ELAPOR2: variants seen among roughly 807,000 people sequenced by gnomAD.
ELAPOR2 encodes endosome-lysosome associated apoptosis and autophagy regulator family member 2.
ELAPOR2 carries 89 observed loss-of-function variants against 120.7 expected under a neutral mutation model. The ratio of observed to expected loss-of-function variants is 0.74; its 90% confidence interval spans 0.62 to 0.88. ELAPOR2 has a LOEUF of 0.88. ELAPOR2 is among the 40% of genes least tolerant of loss of function. The probability of loss-of-function intolerance (pLI) is 0.00; values close to 1 mark genes in which losing one functional copy is unlikely to be tolerated. For synonymous variants in ELAPOR2, 444 were observed against 444.9 expected (o/e 1.00, Z 0.03); for missense variants, 1,134 against 1,251.6 (o/e 0.91, Z 1.42).
Position 86,912,880 on chromosome 7 carries a change from G to A in ELAPOR2, c.1995+61C>T, listed in dbSNP as rs1255140744. On this transcript the variant is annotated intron_variant, in intron 14 of 21. Transcript: ENST00000450689. ...CTCCCAGAGAAACATTAAGGAGAACGCTTGAATTTCTCTATTAAAATGTGC... is the reference window on the plus strand; with the variant it reads ...CTCCCAGAGAAACATTAAGGAGAACACTTGAATTTCTCTATTAAAATGTGC... 2.0e-5 allele frequency: 32 copies of A among 1,561,066 alleles called. No individual in the cohort carries two copies. In the East Asian group the frequency reaches 2.5e-4, roughly 12 times the overall value.
At position 86,988,911 on chromosome 7, in the gene ELAPOR2, T is replaced by C. The variant is rs576514118; in HGVS notation, c.190-23887A>G. Among the ~76,000 whole-genome samples the C allele has an allele frequency of 2.6e-5, 4 of 152,248 alleles. 1 individual carries two copies. Among genetic ancestry groups the C allele is most frequent in the African/African-American group, 9.6e-5 (4 of 41,542 alleles). Reference sequence around the variant, plus strand: ...TATATCCCACTCATCCAAAAATAAATTTATCTCAAAGTTTAAAAAAGACAA... The same window carrying C: ...TATATCCCACTCATCCAAAAATAAACTTATCTCAAAGTTTAAAAAAGACAA... On this transcript the variant is annotated intron_variant, in intron 1 of 21. Coordinates refer to ENST00000450689, the MANE Select transcript of ELAPOR2 (RefSeq NM_001142749.3).
intron 10 of ELAPOR2, among the ~76,000 whole-genome samples, chr7:86,925,117 G>A (rs1790008210): frequency 6.6e-6 from 1 of 151,868 alleles, no homozygotes; most frequent in African/African-American, 2.4e-5. Flanking sequence ...GACTTGACAG[G>A]CAAGGGGAAT....
chr7:86,894,985 T>C, intron 19 of ELAPOR2, among the ~76,000 whole-genome samples: 1 of 152,040 alleles, frequency 6.6e-6, no homozygotes, highest in East Asian at 1.9e-4. Flanking sequence ...TGTGGAGGAC[T>C]TGTATAAATT....
intron 13 of ELAPOR2, among the ~76,000 whole-genome samples, 158 bp downstream of exon 13, chr7:86,914,565 A>G (rs1026520042): frequency 2.6e-5 from 4 of 152,212 alleles, no homozygotes; most frequent in African/African-American, 4.8e-5. Flanking sequence ...ATAAAAAATT[A>G]TCATTTTATA....
rs933871072 is a variant in ELAPOR2 at position 86,879,398 on chromosome 7, T to C, written c.*1073A>G. The stretch of plus-strand genomic sequence containing the variant: ...CATTCTTATTATGAATACAATTATA[T>C]GTAATTTTTCAAAACTGAATTCCTG... On this transcript the variant is annotated 3_prime_UTR_variant, in exon 22 of 22. Transcript: ENST00000450689. 13 of 152,216 alleles carry C rather than the reference T, an allele frequency of 8.5e-5. No homozygotes were observed. Among genetic ancestry groups the C allele is most frequent in the African/African-American group, 3.1e-4 (13 of 41,466 alleles). 9.4% of individuals were successfully genotyped at this position (152,216 alleles called of 1,614,324 possible).
rs140774233 is a variant in ELAPOR2, at chr7:87,054,550, A to G, written c.189+4775T>C. 8.9e-3 allele frequency among the ~76,000 whole-genome samples: 1,361 copies of G among 152,324 alleles called. 11 individuals carry two copies. Among genetic ancestry groups the G allele is most frequent in the South Asian group, 0.016 (78 of 4,826 alleles). The stretch of plus-strand genomic sequence containing the variant: ...TAACAGTGTGACTGTAGAACCTTTG[A>G]CAGCTTCACCCATAGCCCATGGCCT... On this transcript the variant is annotated intron_variant, in intron 1 of 21. Transcript: ENST00000450689.
chr7:87,023,190 G>A, intron 1 of ELAPOR2, among the ~76,000 whole-genome samples: 1 of 152,122 alleles, frequency 6.6e-6, no homozygotes, highest in East Asian at 1.9e-4. Context: ...GGGTTTGTAT[G>A]GTTTTAGGTC....
intron 1 of ELAPOR2, among the ~76,000 whole-genome samples, chr7:87,015,432 CCTCA>C (rs1793835685): frequency 6.6e-6 from 1 of 152,132 alleles, no homozygotes; most frequent in Non-Finnish European, 1.5e-5. Flanking sequence ...ATTTTTAATT[CCTCA>C]CTAACAAAAA....
At chr7:87,058,058 G>T (rs890426689) in intron 1 of ELAPOR2, among the ~76,000 whole-genome samples, 22 of 152,250 alleles carry the variant, frequency 1.4e-4, no homozygotes, top group Non-Finnish European at 3.2e-4. Context: ...ACAGCTGTTT[G>T]TTGAGCTCTT....
At chr7:87,043,559 C>A (rs1794852275) in intron 1 of ELAPOR2, among the ~76,000 whole-genome samples, 1 of 148,528 alleles carries the variant, frequency 6.7e-6, no homozygotes, top group Non-Finnish European at 1.5e-5. Flanking sequence ...CAAAATTCAA[C>A]AACCCTTCAT....
intron 2 of ELAPOR2, among the ~76,000 whole-genome samples, chr7:86,948,256 A>C (rs1042661710): frequency 6.6e-6 from 1 of 152,156 alleles, no homozygotes; most frequent in East Asian, 1.9e-4. Flanking sequence ...TTCTCAACTC[A>C]AAAACCACTC....
intron 1 of ELAPOR2, among the ~76,000 whole-genome samples, chr7:87,032,609 T>G (rs1288998118): frequency 6.6e-6 from 1 of 152,126 alleles, no homozygotes; most frequent in East Asian, 1.9e-4. Flanking sequence ...CTCCCAGAAA[T>G]GTACAGATAA....
At chr7:86,941,586 G>GATAA (rs1405223417) in intron 5 of ELAPOR2, among the ~76,000 whole-genome samples, 3 of 151,970 alleles carry the variant, frequency 2.0e-5, no homozygotes, top group African/African-American at 7.2e-5. Context: ...CGCAGAGAAA[G>GATAA]ATAAAAGGAA....
intron 1 of ELAPOR2, among the ~76,000 whole-genome samples, chr7:86,983,112 T>C (rs943639638): frequency 6.6e-6 from 1 of 152,020 alleles, no homozygotes; most frequent in Non-Finnish European, 1.5e-5. Context: ...ATTAATGAAA[T>C]AGAGCAAGAA....
chr7:87,012,365 G>T (rs1793717590), intron 1 of ELAPOR2, among the ~76,000 whole-genome samples: 1 of 152,108 alleles, frequency 6.6e-6, no homozygotes, highest in Admixed American at 6.6e-5. Context: ...AGCCGAGATT[G>T]TGCCATGACA....
At chr7:86,976,422 C>A (rs2116531825) in intron 1 of ELAPOR2, among the ~76,000 whole-genome samples, 1 of 152,272 alleles carries the variant, frequency 6.6e-6, no homozygotes, top group East Asian at 1.9e-4. Context: ...CCCAGGCTCA[C>A]CTTCAAACTG....
Position 86,997,399 on chromosome 7 carries a change from C to T in ELAPOR2, c.190-32375G>A, listed in dbSNP as rs111824881. 5.3e-5 allele frequency among the ~76,000 whole-genome samples: 8 copies of T among 152,244 alleles called. 2 individuals are homozygous for T. Among genetic ancestry groups the T allele is most frequent in the South Asian group, 2.1e-4 (1 of 4,816 alleles). On this transcript the variant is annotated intron_variant, in intron 1 of 21. Transcript: ENST00000450689. ...GAAGATATCAGAAGCTATCAGCCTC[C>T]GCCTCTGTTCATCCTCCACCTCTCA...
At chr7:87,039,778 G>T (rs762509815) in intron 1 of ELAPOR2, among the ~76,000 whole-genome samples, 1 of 152,184 alleles carries the variant, frequency 6.6e-6, no homozygotes, top group Non-Finnish European at 1.5e-5. Flanking sequence ...CAAGATGGCC[G>T]AATAGGAACA....
chr7:87,016,146 A>T (rs936231465), intron 1 of ELAPOR2, among the ~76,000 whole-genome samples: 3 of 152,186 alleles, frequency 2.0e-5, no homozygotes, highest in African/African-American at 7.2e-5. Flanking sequence ...GAAATGGGTC[A>T]TCATTTCTCA....
Sources: gnomAD v4.1 joint callset for allele counts (sites outside exome capture counted in the v4.1 genomes callset) on GRCh38, gnomAD v4.1.1 for gene constraint, MANE v1.5 for transcripts, NCBI Gene and HGNC (gene_info 2026-07-23, HGNC 2026-07-21) for gene names.